Variants in TLR6 observed in about 807,000 individuals in gnomAD.
TLR6 encodes the protein toll-like receptor 6.
Under a neutral mutation model 16.1 loss-of-function variants are expected in TLR6, and 9 were observed. The observed-to-expected ratio is 0.56, with a 90% CI of 0.34 to 0.98. The LOEUF is 0.98. TLR6 is among the 50% of genes least tolerant of loss of function. The pLI, the probability that TLR6 is intolerant of heterozygous loss-of-function variation, is 0.02. For synonymous variants in TLR6, 340 were observed against 338.6 expected (o/e 1.00, Z -0.04); for missense variants, 786 against 921.0 (o/e 0.85, Z 1.90).
chr4:38,857,798 A>T (rs561574957), upstream of TLR6, among the ~76,000 whole-genome samples: 204 of 152,306 alleles, frequency 1.3e-3, no homozygotes, highest in Middle Eastern at 0.01. Flanking sequence ...ACATAACAGG[A>T]AGTCTCCTCA....
chr4:38,834,076 A>C (rs1711770640), intron 1 of TLR6, among the ~76,000 whole-genome samples: 1 of 151,030 alleles, frequency 6.6e-6, no homozygotes, highest in African/African-American at 2.4e-5. Flanking sequence ...AAAAAAAAAA[A>C]AAATTACAAA....
chr4:38,868,048 C>T, the TLR6 span: 286 of 424,134 alleles, frequency 6.7e-4, no homozygotes, highest in African/African-American at 5.4e-3. Context: ...TGCGTGGGTG[C>T]GGGCGTGTGA....
At chr4:38,841,445 T>A (rs1261936852) in intron 1 of TLR6, among the ~76,000 whole-genome samples, 1 of 152,034 alleles carries the variant, frequency 6.6e-6, no homozygotes, top group Non-Finnish European at 1.5e-5. Flanking sequence ...ACAAAAATTA[T>A]CCAGGCATAG....
chr4:38,836,597 G>A (rs756512105), intron 1 of TLR6, among the ~76,000 whole-genome samples: 2 of 152,048 alleles, frequency 1.3e-5, no homozygotes. Flanking sequence ...TAAAGATGAA[G>A]GTATTCCTCC....
At chr4:38,828,327 T>C (rs748369845) in exon 2 of TLR6, 1 of 1,613,472 alleles carries the variant, frequency 6.2e-7, no homozygotes, top group Non-Finnish European at 8.5e-7. Flanking sequence ...TTTTGTAAGA[T>C]AAGTGTCTCC....
Position 38,853,196 on chromosome 4 carries a change from C to T in TLR6, c.-65+3565G>A, listed in dbSNP as rs1477070177. The stretch of plus-strand genomic sequence containing the variant: ...AATGAACAATGAGAACTCTTGGACA[C>T]AGGAAAGGGAACATAACACACTGGG... On this transcript the variant is annotated intron_variant, in intron 1 of 1. Transcript: ENST00000436693. Among the ~76,000 whole-genome samples, 14 of 129,752 alleles carry T rather than the reference C, an allele frequency of 1.1e-4. No homozygotes were observed. The Admixed American group carries it at 1.4e-3, about 13-fold the overall frequency. 85.1% of individuals were successfully genotyped at this position (129,752 alleles called of 152,430 possible).
upstream of TLR6, chr4:38,856,896 C>G (rs1713014147): frequency 6.6e-6 from 1 of 152,310 alleles, no homozygotes; most frequent in Non-Finnish European, 1.5e-5. Context: ...TCTGTTGGCC[C>G]ACACTGGAAT....
At chr4:38,841,920 G>A (rs2109449612) in intron 1 of TLR6, among the ~76,000 whole-genome samples, 1 of 152,260 alleles carries the variant, frequency 6.6e-6, no homozygotes, top group South Asian at 2.1e-4. Context: ...ATAAAATATT[G>A]TCATGTTTTC....
intron 1 of TLR6, among the ~76,000 whole-genome samples, chr4:38,831,021 T>G (rs1579241628): frequency 1.7e-5 from 2 of 114,312 alleles, no homozygotes; most frequent in East Asian, 5.5e-4. Context: ...GTATTGTTCA[T>G]TCACAGGAAA....
chr4:38,856,068 A>C (rs749195280), intron 1 of TLR6, among the ~76,000 whole-genome samples: 3 of 152,222 alleles, frequency 2.0e-5, no homozygotes, highest in African/African-American at 7.2e-5. Context: ...AATAGGCAAG[A>C]AAAACATTGT....
chr4:38,843,883 G>A (rs538979395), intron 1 of TLR6: 3 of 152,312 alleles, frequency 2.0e-5, no homozygotes, highest in African/African-American at 7.2e-5. Context: ...GGGCAAACCT[G>A]CCACACTCAA....
exon 2 of TLR6, chr4:38,828,042 G>C (rs936657753): frequency 6.2e-7 from 1 of 1,614,090 alleles, no homozygotes; most frequent in African/African-American, 1.3e-5. Context: ...GCAACATTGA[G>C]TTCTTGCAAA....
chr4:38,859,818 A>G (rs1713157420), upstream of TLR6, among the ~76,000 whole-genome samples: 1 of 151,958 alleles, frequency 6.6e-6, no homozygotes, highest in Non-Finnish European at 1.5e-5. Context: ...CGCCCACCTC[A>G]GCCTCCCAAA....
chr4:38,853,248 G>T, intron 1 of TLR6, among the ~76,000 whole-genome samples: 1 of 113,692 alleles, frequency 8.8e-6, no homozygotes, highest in African/African-American at 3.3e-5. Context: ...GGGGAGGGGG[G>T]AGGGAAAGCA....
At chr4:38,862,930 TAAAAA>T in the TLR6 span, among the ~76,000 whole-genome samples, 30 of 83,096 alleles carry the variant, frequency 3.6e-4, no homozygotes, top group Admixed American at 2.3e-3. Context: ...TTCTCCCATC[TAAAAA>T]AAAAAAAAAA....
At chr4:38,841,369 T>C (rs1045822338) in intron 1 of TLR6, among the ~76,000 whole-genome samples, 2 of 152,160 alleles carry the variant, frequency 1.3e-5, no homozygotes, top group East Asian at 1.9e-4. Flanking sequence ...AGCGGGCAGA[T>C]GGCTTGAGCT....
At chr4:38,855,842 G>A (rs1459504916) in intron 1 of TLR6, among the ~76,000 whole-genome samples, 1 of 145,256 alleles carries the variant, frequency 6.9e-6, no homozygotes, top group East Asian at 2.0e-4. Flanking sequence ...AGATTAGAGA[G>A]TTCACAGTTT....
At chr4:38,868,082 G>T in the TLR6 span, 2 of 416,014 alleles carry the variant, frequency 4.8e-6, no homozygotes, top group East Asian at 1.9e-4. Context: ...AGTGTGTGTC[G>T]CTCCGGGTCC....
exon 2 of TLR6, chr4:38,828,186 T>C: frequency 6.2e-7 from 1 of 1,614,168 alleles, no homozygotes; most frequent in Non-Finnish European, 8.5e-7. Context: ...AACACCACTA[T>C]ACTCTCAACC....
Sources: gnomAD v4.1 joint callset for allele counts (sites outside exome capture counted in the v4.1 genomes callset) on GRCh38, gnomAD v4.1.1 for gene constraint, MANE v1.5 for transcripts, NCBI Gene and HGNC (gene_info 2026-07-23, HGNC 2026-07-21) for gene names.